Variants in MTREX observed in about 807,000 individuals in gnomAD.
MTREX encodes exosome RNA helicase MTR4.
A neutral mutation model predicts 135.4 loss-of-function variants in MTREX; 76 were observed. The observed-to-expected ratio is 0.56, with a 90% confidence interval of 0.47 to 0.68. The LOEUF is 0.68. Ranked by LOEUF, MTREX falls within the 30% of genes least tolerant of loss-of-function variation. MTREX has a pLI of 0.00. For missense variants in MTREX, 920 were observed against 1,262.1 expected, an observed-to-expected ratio of 0.73 and a Z score of 4.11; for synonymous variants, 404 against 401.6, an observed-to-expected ratio of 1.01 and a Z score of -0.07.
chr5:55,371,893 G>A (rs1430634844), intron 16 of MTREX, among the ~76,000 whole-genome samples: 1 of 152,064 alleles, frequency 6.6e-6, no homozygotes, highest in Admixed American at 6.6e-5. Flanking sequence ...CAAAATAAAT[G>A]TGACTTCTTA....
chr5:55,325,431 A>G (rs1337991598), intron 3 of MTREX, among the ~76,000 whole-genome samples: 3 of 151,244 alleles, frequency 2.0e-5, no homozygotes, highest in Non-Finnish European at 4.4e-5. Context: ...TCCCAGGCTC[A>G]AGCAATCCTT....
intron 21 of MTREX, among the ~76,000 whole-genome samples, chr5:55,403,822 C>T (rs943982478): frequency 6.6e-6 from 1 of 152,202 alleles, no homozygotes; most frequent in Non-Finnish European, 1.5e-5. Flanking sequence ...CATCTAGGGT[C>T]TGATACCCTG....
intron 13 of MTREX, among the ~76,000 whole-genome samples, chr5:55,351,696 AAG>A (rs1749830936): frequency 6.6e-6 from 1 of 152,328 alleles, no homozygotes; most frequent in African/African-American, 2.4e-5. Context: ...AGACTTAGGA[AAG>A]AGAGTTTTTT....
At chr5:55,407,156 T>C (rs1222991850) in intron 22 of MTREX, among the ~76,000 whole-genome samples, 1 of 152,222 alleles carries the variant, frequency 6.6e-6, no homozygotes, top group African/African-American at 2.4e-5. Context: ...TTTCAGACTT[T>C]CTTGGTAAAA....
At chr5:55,392,008 T>TA (rs1335646291) in intron 19 of MTREX, among the ~76,000 whole-genome samples, 1 of 149,646 alleles carries the variant, frequency 6.7e-6, no homozygotes, top group Non-Finnish European at 1.5e-5. Flanking sequence ...TATCTGGTCT[T>TA]ACTGCAGCAG....
chr5:55,318,082 A>G (rs1482521961), intron 1 of MTREX, among the ~76,000 whole-genome samples: 11 of 152,216 alleles, frequency 7.2e-5, no homozygotes. Flanking sequence ...ACCATCTAAC[A>G]CCAGTCAGAA....
intron 10 of MTREX, among the ~76,000 whole-genome samples, chr5:55,346,544 T>C (rs1749736107): frequency 6.6e-6 from 1 of 152,236 alleles, no homozygotes; most frequent in Admixed American, 6.5e-5. Flanking sequence ...GAATGTGAAG[T>C]GGTATCTTAA....
rs1381002834 is a variant in MTREX at position 55,374,267 on chromosome 5, T to TATATAC, written c.1811-4042_1811-4041insCATATA. 1.1e-3 allele frequency among the ~76,000 whole-genome samples: 157 copies of TATATAC among 141,668 alleles called. 1 individual carries two copies. The highest frequency in any genetic ancestry group is 4.1e-3 in the African/African-American group (151 of 36,516). 92.9% of individuals were successfully genotyped at this position (141,668 alleles called of 152,430 possible). A position where few individuals can be genotyped will look rare whatever the true frequency, so the allele number is the denominator to read the frequency against. On this transcript the variant is annotated intron_variant, in intron 16 of 26. Coordinates refer to ENST00000230640, the MANE Select transcript of MTREX (RefSeq NM_015360.5). ...GCAAGACTGTCTCAAAAAACATTTATATATATATATATATATATAAACAAT... is the reference window on the plus strand; with the variant it reads ...GCAAGACTGTCTCAAAAAACATTTATATATACATATATATATATATATATAAACAAT...
chr5:55,400,612 G>A (rs1750709733), intron 21 of MTREX, among the ~76,000 whole-genome samples, 191 bp downstream of exon 21: 1 of 152,176 alleles, frequency 6.6e-6, no homozygotes. Context: ...TTTTGCTATA[G>A]TTTGATATTT....
intron 16 of MTREX, among the ~76,000 whole-genome samples, chr5:55,373,832 C>T (rs1750246533): frequency 6.6e-6 from 1 of 152,114 alleles, no homozygotes; most frequent in Admixed American, 6.5e-5. Flanking sequence ...CTGATGCTGT[C>T]TCCAGGTGGA....
At chr5:55,360,271 T>C (rs1749985924) in intron 15 of MTREX, among the ~76,000 whole-genome samples, 1 of 152,238 alleles carries the variant, frequency 6.6e-6, no homozygotes, top group Non-Finnish European at 1.5e-5. Flanking sequence ...TTGTAACATC[T>C]ATGAGTACTT....
chr5:55,351,106 T>C (rs1367650312), intron 13 of MTREX, 77 bp downstream of exon 13: 3 of 1,434,032 alleles, frequency 2.1e-6, no homozygotes, highest in Non-Finnish European at 2.7e-6. Flanking sequence ...ACATTGTTTA[T>C]AGGCAATATG....
At chr5:55,398,132 G>A (rs1750672881) in intron 20 of MTREX, among the ~76,000 whole-genome samples, 1 of 152,080 alleles carries the variant, frequency 6.6e-6, no homozygotes, top group African/African-American at 2.4e-5. Flanking sequence ...CAGTTACTCA[G>A]GAGGCCAAGG....
At position 55,345,080 on chromosome 5, in the gene MTREX, A is replaced by C; in HGVS notation, c.1006-14A>C. Reference sequence around the variant, plus strand: ...GTATTAGTGAAGTTACACAGAAAAAATTTGTGATTCCAGGGTGACTTCAGA... The same window carrying C: ...GTATTAGTGAAGTTACACAGAAAAACTTTGTGATTCCAGGGTGACTTCAGA... On this transcript the variant is annotated splice_polypyrimidine_tract_variant and intron_variant, in intron 9 of 26. Coordinates refer to ENST00000230640, the MANE Select transcript of MTREX (RefSeq NM_015360.5). 1.3e-6 allele frequency: 2 copies of C among 1,558,538 alleles called. No individual in the cohort carries two copies. Among genetic ancestry groups the C allele is most frequent in the Non-Finnish European group, 1.8e-6 (2 of 1,135,472 alleles).
chr5:55,308,570 C>T (rs1000268979), intron 1 of MTREX, among the ~76,000 whole-genome samples: 1 of 152,174 alleles, frequency 6.6e-6, no homozygotes, highest in East Asian at 1.9e-4. Context: ...GACATTTAAT[C>T]TCCAAGATGT....
chr5:55,354,424 A>G (rs1476819592), intron 14 of MTREX, among the ~76,000 whole-genome samples: 1 of 152,190 alleles, frequency 6.6e-6, no homozygotes, highest in African/African-American at 2.4e-5. Context: ...GGCTTTGGGG[A>G]AAATAGTCCT....
intron 16 of MTREX, among the ~76,000 whole-genome samples, chr5:55,369,517 G>C (rs573715454): frequency 6.6e-6 from 1 of 152,182 alleles, no homozygotes; most frequent in African/African-American, 2.4e-5. Flanking sequence ...CCCTGGTACA[G>C]TGGAGGATAG....
At chr5:55,404,944 C>T (rs1351915818) in intron 21 of MTREX, among the ~76,000 whole-genome samples, 1 of 151,954 alleles carries the variant, frequency 6.6e-6, no homozygotes, top group Admixed American at 6.6e-5. Flanking sequence ...GCTGGGACTA[C>T]AGGCATGCGC....
Position 55,382,103 on chromosome 5 carries a change from A to T in MTREX, c.2052+2908A>T, listed in dbSNP as rs1236242171. Among the ~76,000 whole-genome samples the T allele has an allele frequency of 3.6e-4, 55 of 152,040 alleles. 1 individual carries two copies. The highest frequency in any genetic ancestry group is 3.6e-3 in the Admixed American group (55 of 15,240). ...AGTTGGATTTTGTTTTTTTTAATCC[A>T]ATCTGAAAATCTATTCCTTTTTTGG... On this transcript the variant is annotated intron_variant, in intron 18 of 26. Transcript: ENST00000230640.
Sources: allele counts gnomAD v4.1 joint callset (sites outside exome capture counted in the v4.1 genomes callset), GRCh38; gene constraint gnomAD v4.1.1; transcripts MANE v1.5; gene names NCBI Gene and HGNC (gene_info 2026-07-23, HGNC 2026-07-21).